Variants in GRHL2 observed in about 807,000 individuals in gnomAD.
The protein encoded by GRHL2 is grainyhead-like protein 2 homolog.
GRHL2 carries 21 observed loss-of-function variants against 83.8 expected under a neutral mutation model. That is an observed-to-expected ratio of 0.25 (90% confidence interval 0.18 to 0.36). GRHL2 has a LOEUF of 0.36. Ranked by LOEUF, GRHL2 falls within the 10% of genes least tolerant of loss-of-function variation. GRHL2 has a pLI of 1.00. For synonymous variants in GRHL2, 280 were observed against 278.9 expected (o/e 1.00, Z -0.04); for missense variants, 623 against 781.8 (o/e 0.80, Z 2.42).
At chr8:101,559,353 CAAAAAAAAAAAAA>C (rs34176940) in intron 4 of GRHL2, among the ~76,000 whole-genome samples, 3 of 88,942 alleles carry the variant, frequency 3.4e-5, no homozygotes, top group East Asian at 3.5e-4. Flanking sequence ...ACTAAAAATA[CAAAAAAAAAAAAA>C]AAAAAAAAAA....
intron 1 of GRHL2, among the ~76,000 whole-genome samples, chr8:101,536,629 G>A (rs1366357964): frequency 6.6e-6 from 1 of 152,210 alleles, no homozygotes; most frequent in African/African-American, 2.4e-5. Context: ...TCTGGCTTCA[G>A]AGTCTGAATA....
intron 8 of GRHL2, among the ~76,000 whole-genome samples, chr8:101,600,404 G>A (rs974763123): frequency 9.2e-5 from 14 of 152,154 alleles, no homozygotes; most frequent in Non-Finnish European, 1.8e-4. Context: ...TAACCTCCTC[G>A]GCTACCCGAG....
chr8:101,585,823 G>A (rs1336312351), intron 7 of GRHL2, among the ~76,000 whole-genome samples: 1 of 152,174 alleles, frequency 6.6e-6, no homozygotes, highest in East Asian at 1.9e-4. Context: ...TCATAATTGA[G>A]CCACTGTGGG....
At chr8:101,577,724 A>G (rs2087391098) in intron 7 of GRHL2, among the ~76,000 whole-genome samples, 1 of 152,214 alleles carries the variant, frequency 6.6e-6, no homozygotes, top group Non-Finnish European at 1.5e-5. Flanking sequence ...TTTCTATTCT[A>G]TGAAAGTCAA....
chr8:101,558,589 T>C lies in GRHL2; in HGVS notation c.455T>C (p.Val152Ala), dbSNP rs779045315. 6.2e-7 allele frequency: 1 copy of C among 1,613,254 alleles called. No homozygotes were observed. The highest frequency in any genetic ancestry group is 1.1e-5 in the South Asian group (1 of 90,964). Residue 152 changes from valine (V) to alanine (A), a missense_variant, in exon 4 of 16, where the codon GTG becomes GCG. Val to Ala is a moderately conservative substitution (Grantham distance 64). This residue lies in a region of GRHL2 where 239 missense variants were observed against 240.5 expected (regional missense o/e 0.99). Coordinates refer to ENST00000646743, the MANE Select transcript of GRHL2 (RefSeq NM_024915.4). The part of the protein sequence containing the change: ...SFPESSAIIP[V>A]SGITVVKAED... ...CCCGAGAGCTCTGCCATCATCCCGG[T>C]GTCGGGAATCACGGTGGTGAAAGCT...
In GRHL2 at chr8:101,592,951, T is replaced by TTTG. The variant is rs569263897; in HGVS notation, c.1004-6090_1004-6088dup. Among the ~76,000 whole-genome samples, 912 of 152,200 alleles carry TTTG rather than the reference T, an allele frequency of 6.0e-3. 9 individuals carry two copies. The highest frequency in any genetic ancestry group is 0.02 in the African/African-American group (832 of 41,514). ...TTTTTCTACCCATGGTTTTATTCTT[T>TTTG]TTGTTGTTGTTGTTGTTGAGATGGA... On this transcript the variant is annotated intron_variant, in intron 7 of 15. Transcript: ENST00000646743.
intron 14 of GRHL2, 83 bp downstream of exon 14, chr8:101,649,582 C>A: frequency 1.0e-6 from 1 of 1,001,114 alleles, no homozygotes; most frequent in African/African-American, 1.6e-5. Flanking sequence ...GTGCAGCCAC[C>A]GAGATGGCTT....
intron 7 of GRHL2, among the ~76,000 whole-genome samples, chr8:101,584,289 T>C: frequency 6.6e-6 from 1 of 152,218 alleles, no homozygotes; most frequent in East Asian, 1.9e-4. Flanking sequence ...CTAATAGAAA[T>C]CTATTTCTTA....
chr8:101,612,465 T>C lies in GRHL2; in HGVS notation c.1099-7074T>C, dbSNP rs367882042. Among the ~76,000 whole-genome samples, 19 of 148,896 alleles carry C rather than the reference T, an allele frequency of 1.3e-4. 1 individual carries two copies. The highest frequency in any genetic ancestry group is 4.6e-4 in the African/African-American group (18 of 39,074). The stretch of plus-strand genomic sequence containing the variant: ...CTCTATATATAGCATCTTCAGAGTG[T>C]GGATGGATGGATGGATTAGATAGAT... On this transcript the variant is annotated intron_variant, in intron 8 of 15. Transcript: ENST00000646743.
intron 15 of GRHL2, among the ~76,000 whole-genome samples, chr8:101,666,310 T>C (rs1265458948): frequency 6.6e-6 from 1 of 152,194 alleles, no homozygotes; most frequent in Non-Finnish European, 1.5e-5. Context: ...ATTCTGGGCT[T>C]CCTAACTTCC....
At chr8:101,511,389 C>T (rs1766599705) in intron 1 of GRHL2, among the ~76,000 whole-genome samples, 1 of 152,160 alleles carries the variant, frequency 6.6e-6, no homozygotes, top group Admixed American at 6.5e-5. Context: ...TGCTGCCTAC[C>T]ATCCCAGCAG....
intron 11 of GRHL2, 64 bp from the exon 12 acceptor site, chr8:101,636,833 T>A: frequency 7.0e-7 from 1 of 1,430,858 alleles, no homozygotes. Context: ...AGTCTGTACA[T>A]CACGTAATAT....
rs1013841125 is a variant in GRHL2 at position 101,528,370 on chromosome 8, G to A, written c.21-14871G>A. On this transcript the variant is annotated intron_variant, in intron 1 of 15. Coordinates refer to ENST00000646743, the MANE Select transcript of GRHL2 (RefSeq NM_024915.4). ...CTTGTTTTGTGGTTCTTGGTTTCTA[G>A]TAGCCTGTGCTTGTGTTGTAGGTGC... Among the ~76,000 whole-genome samples, 14 of 150,630 alleles carry A rather than the reference G, an allele frequency of 9.3e-5. No homozygotes were observed. The East Asian group carries it at 2.7e-3, about 29-fold the overall frequency.
intron 4 of GRHL2, among the ~76,000 whole-genome samples, chr8:101,562,907 T>C (rs967726651): frequency 1.2e-4 from 18 of 152,230 alleles, no homozygotes; most frequent in African/African-American, 4.3e-4. Context: ...GAAGTGAGTG[T>C]AGTGGCAGCA....
intron 1 of GRHL2, among the ~76,000 whole-genome samples, chr8:101,515,167 T>C (rs943452603): frequency 2.0e-4 from 19 of 94,332 alleles, no homozygotes; most frequent in Non-Finnish European, 4.2e-4. Context: ...TCTCTCTCTC[T>C]GTCTCTCTGC....
At position 101,604,019 on chromosome 8, in the gene GRHL2, CAAAAAAAA is replaced by C. The variant is rs541635465; in HGVS notation, c.1098+4877_1098+4884del. 1.2e-4 allele frequency among the ~76,000 whole-genome samples: 11 copies of C among 91,776 alleles called. No individual in the cohort carries two copies. The South Asian group carries it at 4.0e-3, about 34-fold the overall frequency. The allele number at this position is 91,776 out of a possible 152,430, so 60.2% of individuals were successfully genotyped here. A position where few individuals can be genotyped will look rare whatever the true frequency, so the allele number is the denominator to read the frequency against. ...CTTCCCCTGTTGAGTTTTTTTTTTG[CAAAAAAAA>C]AAAAAAAAGCCATAAAACAATGGGA... On this transcript the variant is annotated intron_variant, in intron 8 of 15. Coordinates refer to ENST00000646743, the MANE Select transcript of GRHL2 (RefSeq NM_024915.4).
At chr8:101,520,066 C>T (rs1046743901) in intron 1 of GRHL2, among the ~76,000 whole-genome samples, 10 of 152,172 alleles carry the variant, frequency 6.6e-5, no homozygotes, top group Admixed American at 3.3e-4. Context: ...AATTTGTTTG[C>T]CCTATCTCCT....
In GRHL2 at chr8:101,558,601, C is replaced by G. The variant is rs1165937150; in HGVS notation, c.467C>G (p.Thr156Arg). 1 of 1,614,002 alleles carries G rather than the reference C, an allele frequency of 6.2e-7. No homozygotes were observed. Among genetic ancestry groups the G allele is most frequent in the South Asian group, 1.1e-5 (1 of 91,058 alleles). Residue 156 changes from threonine to arginine, a missense_variant, in exon 4 of 16, where the codon ACG (threonine) becomes AGG (arginine). By Grantham distance (71) the Thr-to-Arg change is moderately conservative. This residue lies in a region of GRHL2 where 239 missense variants were observed against 240.5 expected (regional missense o/e 0.99). Transcript: ENST00000646743. Reference protein sequence around the residue: ...SSAIIPVSGITVVKAEDFTPV... With the variant: ...SSAIIPVSGIRVVKAEDFTPV... ...GCCATCATCCCGGTGTCGGGAATCA[C>G]GGTGGTGAAAGCTGAAGATTTCACA...
chr8:101,655,056 C>G (rs1053009060), intron 14 of GRHL2, among the ~76,000 whole-genome samples: 4 of 152,046 alleles, frequency 2.6e-5, no homozygotes, highest in African/African-American at 9.7e-5. Flanking sequence ...GTGGTGCATG[C>G]CTGTAATGCC....
Sources: gnomAD v4.1 joint callset for allele counts (sites outside exome capture counted in the v4.1 genomes callset) on GRCh38, gnomAD v4.1.1 for gene constraint, gnomAD v4.1.1 regional missense constraint, MANE v1.5 for transcripts, NCBI Gene and HGNC (gene_info 2026-07-23, HGNC 2026-07-21) for gene names.